The following DOCK3 variants were observed in gnomAD, a reference collection of about 807,000 sequenced individuals.
DOCK3 encodes the protein dedicator of cytokinesis 3.
A neutral mutation model predicts 265.6 loss-of-function variants in DOCK3; 60 were observed. The observed-to-expected ratio is 0.23, with a 90% CI of 0.18 to 0.28. The LOEUF (loss-of-function observed/expected upper bound fraction) is 0.28. Ranked by LOEUF, DOCK3 falls within the 10% of genes least tolerant of loss-of-function variation. The pLI, the probability that DOCK3 is intolerant of heterozygous loss-of-function variation, is 1.00. For synonymous variants in DOCK3, 881 were observed against 938.0 expected (o/e 0.94, Z 1.11); for missense variants, 1,981 against 2,594.3 (o/e 0.76, Z 5.14).
chr3:51,098,098 C>T (rs1431698038), intron 9 of DOCK3, among the ~76,000 whole-genome samples: 1 of 152,044 alleles, frequency 6.6e-6, no homozygotes, highest in Admixed American at 6.5e-5. Context: ...GCTCTTTTGC[C>T]CAGACTGGAG....
rs1482840447 is a variant in DOCK3, at chr3:50,810,397, A to G, written c.122-31278A>G. On this transcript the variant is annotated intron_variant, in intron 2 of 52. Coordinates refer to ENST00000266037, the MANE Select transcript of DOCK3 (RefSeq NM_004947.5). ...GAAACCCTGTCTCTACTAAAAACACAAAAATTAGCTGGGCGTTGTGATGGG... is the reference window on the plus strand; with the variant it reads ...GAAACCCTGTCTCTACTAAAAACACGAAAATTAGCTGGGCGTTGTGATGGG... Among the ~76,000 whole-genome samples, 4 of 152,078 alleles carry G rather than the reference A, an allele frequency of 2.6e-5. No individual in the cohort carries two copies. The East Asian group carries it at 7.7e-4, about 29-fold the overall frequency.
chr3:50,928,472 A>C (rs907614532), intron 4 of DOCK3, among the ~76,000 whole-genome samples: 6 of 152,212 alleles, frequency 3.9e-5, no homozygotes, highest in African/African-American at 7.2e-5. Context: ...AGAATGTATT[A>C]GAATTTCATT....
intron 5 of DOCK3, among the ~76,000 whole-genome samples, chr3:50,953,457 A>C (rs1217767001): frequency 6.6e-6 from 1 of 152,084 alleles, no homozygotes; most frequent in Non-Finnish European, 1.5e-5. Context: ...TTCCACACCT[A>C]GTTATACAGC....
chr3:51,176,486 C>T (rs188343548), intron 12 of DOCK3, among the ~76,000 whole-genome samples: 2 of 152,108 alleles, frequency 1.3e-5, no homozygotes, highest in East Asian at 1.9e-4. Context: ...ATTAGCCAAG[C>T]GTGGTGGCGG....
chr3:50,957,542 A>G (rs1437558765), intron 5 of DOCK3, among the ~76,000 whole-genome samples: 1 of 152,250 alleles, frequency 6.6e-6, no homozygotes, highest in East Asian at 1.9e-4. Context: ...CGCTAGACAC[A>G]GTGCCAGCTT....
chr3:50,923,343 C>T (rs181822033), intron 4 of DOCK3, among the ~76,000 whole-genome samples: 190 of 152,244 alleles, frequency 1.2e-3, no homozygotes, highest in African/African-American at 3.5e-3. Flanking sequence ...GGACACTCCA[C>T]GCTATTTTCC....
At position 51,230,824 on chromosome 3, in the gene DOCK3, C is replaced by CA. The variant is rs2090515882; in HGVS notation, c.1917+1216dup. Among the ~76,000 whole-genome samples the CA allele has an allele frequency of 1.3e-5, 2 of 152,028 alleles. 1 individual carries two copies. Among genetic ancestry groups the CA allele is most frequent in the South Asian group, 4.2e-4 (2 of 4,818 alleles). On this transcript the variant is annotated intron_variant, in intron 19 of 52. Transcript: ENST00000266037. ...GCCACCGCGCCCGACCTATGTACCA[C>CA]ATTTCCTTTATCCAGTTCACTGTTG...
chr3:51,288,283 T>G lies in DOCK3; in HGVS notation c.2922+8079T>G, dbSNP rs1326054206. Among the ~76,000 whole-genome samples the G allele has an allele frequency of 2.7e-5, 4 of 150,668 alleles. No individual in the cohort carries two copies. In the East Asian group the frequency reaches 5.9e-4, roughly 22 times the overall value. On this transcript the variant is annotated intron_variant, in intron 27 of 52. Transcript: ENST00000266037. ...GGCACATGCCTGTAATCCCAGCTAC[T>G]CAGGAGGCTGAGGCAGGAGAGTCAC...
intron 12 of DOCK3, among the ~76,000 whole-genome samples, chr3:51,171,277 C>A (rs571539807): frequency 1.3e-5 from 2 of 152,246 alleles, no homozygotes; most frequent in South Asian, 2.1e-4. Context: ...GAATTTCCTT[C>A]TTTGACCCAT....
intron 7 of DOCK3, among the ~76,000 whole-genome samples, chr3:51,081,895 C>CAAA (rs56305507): frequency 6.7e-4 from 79 of 117,566 alleles, no homozygotes; most frequent in Non-Finnish European, 7.0e-4. Flanking sequence ...GACTCTGTCT[C>CAAA]AAAAAAAAAA....
intron 3 of DOCK3, among the ~76,000 whole-genome samples, chr3:50,867,364 C>T (rs1206263256): frequency 6.6e-6 from 1 of 152,116 alleles, no homozygotes; most frequent in Non-Finnish European, 1.5e-5. Flanking sequence ...ATTATATCAT[C>T]TGCAAGGATA....
intron 2 of DOCK3, among the ~76,000 whole-genome samples, chr3:50,806,374 T>C (rs1280558860): frequency 6.6e-6 from 1 of 151,998 alleles, no homozygotes; most frequent in Non-Finnish European, 1.5e-5. Context: ...TGTGGGACTT[T>C]TCTCAAGTCC....
At chr3:51,121,286 C>T (rs933183288) in intron 9 of DOCK3, among the ~76,000 whole-genome samples, 1 of 152,130 alleles carries the variant, frequency 6.6e-6, no homozygotes, top group African/African-American at 2.4e-5. Flanking sequence ...GAGGCGATGC[C>T]CCACTCTGCT....
chr3:50,685,082 G>T (rs1466684085), intron 1 of DOCK3, among the ~76,000 whole-genome samples: 4 of 151,540 alleles, frequency 2.6e-5, no homozygotes, highest in Non-Finnish European at 5.9e-5. Flanking sequence ...GAACCATACT[G>T]CTTATATTGT....
At chr3:50,701,836 G>A (rs983490123) in intron 1 of DOCK3, among the ~76,000 whole-genome samples, 2 of 152,120 alleles carry the variant, frequency 1.3e-5, no homozygotes, top group African/African-American at 4.8e-5. Context: ...TATCCCCAGT[G>A]TATATTTTTG....
chr3:50,875,039 G>A (rs564002969), intron 3 of DOCK3, among the ~76,000 whole-genome samples: 6 of 152,196 alleles, frequency 3.9e-5, no homozygotes, highest in East Asian at 3.9e-4. Flanking sequence ...GGAGGGGAAC[G>A]TCACACACCG....
chr3:50,911,596 C>T (rs1200911445), intron 4 of DOCK3, among the ~76,000 whole-genome samples: 1 of 151,920 alleles, frequency 6.6e-6, no homozygotes, highest in Non-Finnish European at 1.5e-5. Context: ...TGTGATGCCT[C>T]CAGCTTTGTT....
chr3:50,955,324 T>C (rs1486515071), intron 5 of DOCK3, among the ~76,000 whole-genome samples: 1 of 152,168 alleles, frequency 6.6e-6, no homozygotes, highest in Non-Finnish European at 1.5e-5. Context: ...CCCAGCAGTC[T>C]CATTGCTGGT....
chr3:51,071,739 TG>T (rs2081876100), intron 6 of DOCK3, among the ~76,000 whole-genome samples: 1 of 152,156 alleles, frequency 6.6e-6, no homozygotes, highest in African/African-American at 2.4e-5. Flanking sequence ...ATGCATCTTT[TG>T]CTGTGAAGAT....
Sources: gnomAD v4.1 joint callset for allele counts (sites outside exome capture counted in the v4.1 genomes callset) on GRCh38, gnomAD v4.1.1 for gene constraint, MANE v1.5 for transcripts, NCBI Gene and HGNC (gene_info 2026-07-23, HGNC 2026-07-21) for gene names.